YME1L1: variants seen among roughly 807,000 people sequenced by gnomAD.
YME1L1 encodes the protein ATP-dependent zinc metalloprotease YME1L1.
YME1L1 carries 39 observed loss-of-function variants against 90.4 expected under a neutral mutation model. The observed-to-expected ratio is 0.43, with a 90% CI of 0.33 to 0.56. The LOEUF is 0.56. YME1L1 is among the 20% of genes least tolerant of loss of function. YME1L1 has a pLI of 0.03. For synonymous variants in YME1L1, 284 were observed against 287.3 expected (o/e 0.99, Z 0.12); for missense variants, 617 against 868.4 (o/e 0.71, Z 3.64).
chr10:27,123,812 C>G, intron 9 of YME1L1, 113 bp from the exon 10 acceptor site: 1 of 1,094,132 alleles, frequency 9.1e-7, no homozygotes, highest in Non-Finnish European at 1.3e-6. Flanking sequence ...GAGGTCACAC[C>G]AATAACCAAT....
chr10:27,128,560 ACT>A (rs1469739506), intron 8 of YME1L1, among the ~76,000 whole-genome samples: 4 of 151,884 alleles, frequency 2.6e-5, no homozygotes, highest in African/African-American at 9.7e-5. Flanking sequence ...ACAAAGTGAA[ACT>A]CTGTCTCTAC....
At chr10:27,131,498 C>G (rs1170805145) in intron 8 of YME1L1, among the ~76,000 whole-genome samples, 3 of 152,082 alleles carry the variant, frequency 2.0e-5, no homozygotes, top group African/African-American at 7.2e-5. Context: ...AAAGAAGGAC[C>G]ATTTATTAAA....
chr10:27,132,105 T>TC (rs1449832855), intron 7 of YME1L1, among the ~76,000 whole-genome samples, 164 bp from the exon 8 acceptor site: 3 of 141,848 alleles, frequency 2.1e-5, no homozygotes, highest in African/African-American at 8.2e-5. Context: ...CTTCTGGATT[T>TC]CTTTTTTTTT....
At chr10:27,152,216 GATTT>G (rs935184165) in intron 1 of YME1L1, among the ~76,000 whole-genome samples, 11 of 152,196 alleles carry the variant, frequency 7.2e-5, no homozygotes, top group African/African-American at 1.7e-4. Flanking sequence ...TCTTTGAAAA[GATTT>G]ATTTGAATTA....
At chr10:27,118,581 C>T (rs1485552284) in intron 14 of YME1L1, among the ~76,000 whole-genome samples, 2 of 152,198 alleles carry the variant, frequency 1.3e-5, no homozygotes, top group African/African-American at 4.8e-5. Flanking sequence ...TGAGCCACCA[C>T]GCCCAGTCTA....
intron 12 of YME1L1, among the ~76,000 whole-genome samples, chr10:27,120,779 AC>A (rs1225586786): frequency 6.6e-6 from 1 of 152,176 alleles, no homozygotes; most frequent in African/African-American, 2.4e-5. Flanking sequence ...TAGGTAGCCT[AC>A]CCCTCAGAAA....
At chr10:27,115,708 T>C (rs1475157267) in intron 17 of YME1L1, among the ~76,000 whole-genome samples, 3 of 152,144 alleles carry the variant, frequency 2.0e-5, no homozygotes, top group Admixed American at 2.0e-4. Flanking sequence ...AGTATAGTAG[T>C]GCTTCAAGGA....
chr10:27,123,289 AAG>A (rs968932778), intron 10 of YME1L1, among the ~76,000 whole-genome samples: 1 of 152,058 alleles, frequency 6.6e-6, no homozygotes, highest in Admixed American at 6.6e-5. Context: ...AAAAAACACT[AAG>A]AGATTTTTGG....
intron 9 of YME1L1, among the ~76,000 whole-genome samples, chr10:27,126,012 G>A (rs1478421775): frequency 1.3e-5 from 2 of 152,074 alleles, no homozygotes; most frequent in East Asian, 1.9e-4. Context: ...GAGTTACATA[G>A]AAGAATATCC....
intron 8 of YME1L1, among the ~76,000 whole-genome samples, chr10:27,131,168 G>A (rs1242928829): frequency 6.6e-6 from 1 of 152,084 alleles, no homozygotes; most frequent in African/African-American, 2.4e-5. Flanking sequence ...AAAACTGTAA[G>A]CCTTCTCTCA....
intron 8 of YME1L1, among the ~76,000 whole-genome samples, chr10:27,130,782 G>A (rs1020486651): frequency 2.0e-5 from 3 of 152,248 alleles, no homozygotes; most frequent in African/African-American, 7.2e-5. Flanking sequence ...GAATCTGGGA[G>A]GTGGAGGTTG....
At chr10:27,126,384 G>A (rs2135860735) in intron 9 of YME1L1, among the ~76,000 whole-genome samples, 1 of 152,216 alleles carries the variant, frequency 6.6e-6, no homozygotes, top group East Asian at 1.9e-4. Context: ...AGCCATGATT[G>A]CATCACTGCA....
rs551706246 is a variant in YME1L1, at chr10:27,154,313, G to A, written c.-103C>T. 145 of 1,406,026 alleles carry A rather than the reference G, an allele frequency of 1.0e-4. No homozygotes were observed. The African/African-American group carries it at 1.9e-3, about 18-fold the overall frequency. The allele number at this position is 1,406,026 out of a possible 1,614,324, so 87.1% of individuals were successfully genotyped here. On this transcript the variant is annotated 5_prime_UTR_variant, in exon 1 of 19. Coordinates refer to ENST00000376016, the MANE Select transcript of YME1L1 (RefSeq NM_014263.4). Reference sequence around the variant, plus strand: ...AGCCCTTCTTTTTTCCTTTTTCTCCGACCCGTTGCCCCTCACTCCTCCCAG... The same window carrying A: ...AGCCCTTCTTTTTTCCTTTTTCTCCAACCCGTTGCCCCTCACTCCTCCCAG...
intron 14 of YME1L1, 60 bp from the exon 15 acceptor site, chr10:27,117,787 C>T (rs1437039994): frequency 6.4e-7 from 1 of 1,554,650 alleles, no homozygotes; most frequent in Non-Finnish European, 8.8e-7. Flanking sequence ...ATCAACAAAA[C>T]ACATTCTTGT....
At position 27,120,934 on chromosome 10, in the gene YME1L1, C is replaced by T. The variant is rs753035130; in HGVS notation, c.1299-387G>A. Among the ~76,000 whole-genome samples the T allele has an allele frequency of 1.1e-4, 17 of 152,264 alleles. 1 individual carries two copies. Among genetic ancestry groups the T allele is most frequent in the South Asian group, 8.3e-4 (4 of 4,828 alleles). ...ACAAACTACTGATCAAATGAAAATA[C>T]GAATAACTTCTACAGTAAAATTTTT... On this transcript the variant is annotated intron_variant, in intron 12 of 18. Transcript: ENST00000376016.
chr10:27,133,448 T>C (rs2056996374), intron 7 of YME1L1, among the ~76,000 whole-genome samples: 1 of 152,118 alleles, frequency 6.6e-6, no homozygotes, highest in African/African-American at 2.4e-5. Flanking sequence ...TGGCAAAATA[T>C]GGGGTTAAGG....
chr10:27,123,808 A>G, intron 9 of YME1L1, 109 bp from the exon 10 acceptor site: 1 of 1,139,162 alleles, frequency 8.8e-7, no homozygotes, highest in Non-Finnish European at 1.2e-6. Context: ...GGCTGAGGTC[A>G]CACCAATAAC....
rs570081333 is a variant in YME1L1 at position 27,133,969 on chromosome 10, T to C, written c.775+70A>G. 6.1e-5 allele frequency: 65 copies of C among 1,057,344 alleles called. No individual in the cohort carries two copies. In the African/African-American group the frequency reaches 1.0e-3, roughly 16 times the overall value. The allele number at this position is 1,057,344 out of a possible 1,614,324, so 65.5% of individuals were successfully genotyped here. A position where few individuals can be genotyped will look rare whatever the true frequency, so the allele number is the denominator to read the frequency against. ...ATATGTTCTTTCTTTAAGGGTTAGA[T>C]TAGGCATTAAAAGGAATCATGTATT... is the stretch of plus-strand genomic sequence containing the variant. On this transcript the variant is annotated intron_variant, in intron 7 of 18. Coordinates refer to ENST00000376016, the MANE Select transcript of YME1L1 (RefSeq NM_014263.4).
intron 8 of YME1L1, among the ~76,000 whole-genome samples, chr10:27,130,319 T>C (rs1267522339): frequency 2.0e-5 from 3 of 152,216 alleles, no homozygotes; most frequent in African/African-American, 4.8e-5. Context: ...AAGTGCTCTG[T>C]AACTCGGTAT....
Sources: gnomAD v4.1 joint callset for allele counts (sites outside exome capture counted in the v4.1 genomes callset) on GRCh38, gnomAD v4.1.1 for gene constraint, MANE v1.5 for transcripts, NCBI Gene and HGNC (gene_info 2026-07-23, HGNC 2026-07-21) for gene names.